TAMM41: variants seen among roughly 807,000 people sequenced by gnomAD.
The protein encoded by TAMM41 is phosphatidate cytidylyltransferase, mitochondrial.
Under a neutral mutation model 44.1 loss-of-function variants are expected in TAMM41, and 36 were observed. The observed-to-expected ratio is 0.82, with a 90% CI of 0.63 to 1.08. TAMM41 has a LOEUF of 1.08. TAMM41 is among the 50% of genes least tolerant of loss of function. The probability of loss-of-function intolerance (pLI) is 0.00; values close to 1 mark genes in which losing one functional copy is unlikely to be tolerated. For synonymous variants in TAMM41, 164 were observed against 153.1 expected (o/e 1.07, Z -0.53); for missense variants, 417 against 404.3 (o/e 1.03, Z -0.27).
chr3:11,761,414 T>C, the TAMM41 span, among the ~76,000 whole-genome samples: 1 of 152,086 alleles, frequency 6.6e-6, no homozygotes, highest in Non-Finnish European at 1.5e-5. Context: ...ATCCAGCCCC[T>C]GTGGCTCCTA....
At chr3:11,789,522 T>A (rs2077438052), downstream of TAMM41, among the ~76,000 whole-genome samples, 5 of 152,176 alleles carry the variant, frequency 3.3e-5, no homozygotes. Context: ...CATTTAAGTG[T>A]CTACTCCTTC....
At chr3:11,830,296 C>T (rs1227367479) in intron 3 of TAMM41, among the ~76,000 whole-genome samples, 2 of 152,116 alleles carry the variant, frequency 1.3e-5, no homozygotes, top group African/African-American at 4.8e-5. Flanking sequence ...CTCTATTTCG[C>T]ACTTTCTAGA....
chr3:11,813,742 A>G (rs1192368951), intron 5 of TAMM41, among the ~76,000 whole-genome samples: 1 of 151,866 alleles, frequency 6.6e-6, no homozygotes, highest in East Asian at 1.9e-4. Flanking sequence ...TGAGCCCAGG[A>G]GTTCGAGACC....
chr3:11,800,031 G>A (rs963094544), intron 7 of TAMM41, among the ~76,000 whole-genome samples: 14 of 152,080 alleles, frequency 9.2e-5, no homozygotes, highest in Admixed American at 1.3e-4. Context: ...GTCTTTCCTA[G>A]ACAAATACTA....
intron 7 of TAMM41, 102 bp from the exon 8 acceptor site, chr3:11,790,683 G>T: frequency 3.0e-6 from 3 of 1,000,658 alleles, no homozygotes; most frequent in Non-Finnish European, 3.1e-6. Flanking sequence ...GAGGAGGGCA[G>T]TGAGGGGCTG....
At chr3:11,834,715 C>T (rs2079107269) in intron 3 of TAMM41, among the ~76,000 whole-genome samples, 3 of 152,138 alleles carry the variant, frequency 2.0e-5, no homozygotes, top group Admixed American at 6.5e-5. Flanking sequence ...GAGACATGGT[C>T]TTGCTCTGTC....
the TAMM41 span, among the ~76,000 whole-genome samples, chr3:11,761,983 A>G: frequency 6.6e-6 from 1 of 151,536 alleles, no homozygotes; most frequent in Non-Finnish European, 1.5e-5. Flanking sequence ...AAGAAAAGAA[A>G]AAAAGAAAAA....
chr3:11,782,170 G>C, the TAMM41 span, among the ~76,000 whole-genome samples: 1 of 152,192 alleles, frequency 6.6e-6, no homozygotes, highest in Non-Finnish European at 1.5e-5. Context: ...ATGCATTTTT[G>C]AGTCATACAG....
chr3:11,750,592 G>A, the TAMM41 span, among the ~76,000 whole-genome samples: 1 of 152,180 alleles, frequency 6.6e-6, no homozygotes, highest in African/African-American at 2.4e-5. Flanking sequence ...TTACAGGTGT[G>A]AGCCACTGCG....
Position 11,790,466 on chromosome 3 carries a change from T to G in TAMM41, c.*39A>C. 1 of 1,535,824 alleles carries G rather than the reference T, an allele frequency of 6.5e-7. No homozygotes were observed. The highest frequency in any genetic ancestry group is 9.0e-7 in the Non-Finnish European group (1 of 1,110,980). Reference sequence around the variant, plus strand: ...GTTCTGTCAAAAAGGATCAAACACTTTATTCATCTACACATAACATATATA... The same window carrying G: ...GTTCTGTCAAAAAGGATCAAACACTGTATTCATCTACACATAACATATATA... On this transcript the variant is annotated 3_prime_UTR_variant, in exon 8 of 8. Coordinates refer to ENST00000455809, the MANE Select transcript of TAMM41 (RefSeq NM_001284401.2).
the TAMM41 span, among the ~76,000 whole-genome samples, chr3:11,777,678 C>T: frequency 6.6e-6 from 1 of 152,126 alleles, no homozygotes; most frequent in Non-Finnish European, 1.5e-5. Context: ...CCTATAATCC[C>T]AGCTACTCGG....
intron 7 of TAMM41, chr3:11,807,567 A>G (rs1374625504): frequency 2.0e-6 from 3 of 1,535,992 alleles, no homozygotes; most frequent in African/African-American, 1.4e-5. Flanking sequence ...AATATGAGGG[A>G]AAAACCCTGC....
rs1553574903 is a variant in TAMM41, at chr3:11,817,299, C to T, written c.601G>A (p.Val201Met). 5.0e-6 allele frequency: 8 copies of T among 1,612,382 alleles called. No individual in the cohort carries two copies. Among genetic ancestry groups the T allele is most frequent in the Non-Finnish European group, 5.9e-6 (7 of 1,178,542 alleles). ...ATATTGGGCTTCACAATATTCAACA[C>T]TTTTGTTTTATCTTCTCCAACCACC... is the stretch of plus-strand genomic sequence containing the variant. ...RMVVGEDKTK[V>M]LNIVKPNIAH... The change falls in exon 5 of 8, where the codon GTG (valine) becomes ATG (methionine). Residue 201 changes from valine (V) to methionine (M), a missense_variant. Coordinates refer to ENST00000455809, the MANE Select transcript of TAMM41 (RefSeq NM_001284401.2).
At chr3:11,723,979 G>C in the TAMM41 span, among the ~76,000 whole-genome samples, 1 of 151,890 alleles carries the variant, frequency 6.6e-6, no homozygotes, top group African/African-American at 2.4e-5. Flanking sequence ...GGAGGGTGTT[G>C]AGGTAGCCCC....
At chr3:11,836,142 C>T (rs12496829) in intron 3 of TAMM41, among the ~76,000 whole-genome samples, 60,634 of 151,694 alleles carry the variant, frequency 0.4, 12,449 homozygotes, top group Admixed American at 0.48. Flanking sequence ...AGGTGCATGC[C>T]GCAACGCCCA....
At chr3:11,738,248 C>T in the TAMM41 span, among the ~76,000 whole-genome samples, 1 of 152,114 alleles carries the variant, frequency 6.6e-6, no homozygotes, top group African/African-American at 2.4e-5. Context: ...GGAGCATAAG[C>T]CGTGGAGTTA....
At chr3:11,726,136 A>C in the TAMM41 span, among the ~76,000 whole-genome samples, 1 of 152,228 alleles carries the variant, frequency 6.6e-6, no homozygotes, top group Non-Finnish European at 1.5e-5. Flanking sequence ...CCCTCATTGC[A>C]CTAACCTGGC....
chr3:11,841,071 CTATTTT>C (rs1208286504), intron 2 of TAMM41, among the ~76,000 whole-genome samples: 23 of 98,268 alleles, frequency 2.3e-4, no homozygotes, highest in African/African-American at 8.5e-4. Flanking sequence ...CAGCCCATTT[CTATTTT>C]TTTTTTTTTT....
At chr3:11,761,799 T>A in the TAMM41 span, among the ~76,000 whole-genome samples, 1 of 151,554 alleles carries the variant, frequency 6.6e-6, no homozygotes, top group Admixed American at 6.6e-5. Context: ...ATACAAAAAT[T>A]AGCCGTGCGT....
Sources: gnomAD v4.1 joint callset for allele counts (sites outside exome capture counted in the v4.1 genomes callset) on GRCh38, gnomAD v4.1.1 for gene constraint, MANE v1.5 for transcripts, NCBI Gene and HGNC (gene_info 2026-07-23, HGNC 2026-07-21) for gene names.